Variants in ATG2A observed in about 807,000 individuals in gnomAD.
ATG2A encodes autophagy-related protein 2 homolog A.
ATG2A carries 103 observed loss-of-function variants against 214.2 expected under a neutral mutation model. The ratio of observed to expected loss-of-function variants is 0.48; its 90% CI spans 0.41 to 0.57. ATG2A has a LOEUF of 0.57. Ranked by LOEUF, ATG2A falls within the 20% of genes least tolerant of loss-of-function variation. ATG2A has a pLI of 0.00. For missense variants in ATG2A, 2,312 were observed against 2,613.2 expected, an observed-to-expected ratio of 0.88 and a Z score of 2.51; for synonymous variants, 1,160 against 1,142.1, an observed-to-expected ratio of 1.02 and a Z score of -0.32.
At position 64,911,271 on chromosome 11, in the gene ATG2A, C is replaced by A; in HGVS notation, c.1233G>T (p.Lys411Asn). 1.2e-6 allele frequency: 2 copies of A among 1,613,494 alleles called. No individual in the cohort carries two copies. ...RLSAQAHPAGKMAPNPLLDTM... is the reference protein window; with the variant it reads ...RLSAQAHPAGNMAPNPLLDTM... ...TGTCCAGGAGGGGGTTGGGGGCCAT[C>A]TTGCCTGAGGGGACAGAGGCTTCAG... The change falls in exon 10 of 41, where the codon AAG (lysine) becomes AAT (asparagine). Residue 411 changes from lysine (K) to asparagine (N), a missense_variant. By Grantham distance (94) the Lys-to-Asn change is moderately conservative. Coordinates refer to ENST00000377264, the MANE Select transcript of ATG2A (RefSeq NM_015104.3).
chr11:64,910,005 C>T (rs759141591), intron 13 of ATG2A, 35 bp downstream of exon 13: 1 of 1,557,380 alleles, frequency 6.4e-7, no homozygotes, highest in South Asian at 1.2e-5. Flanking sequence ...GGCCCTGCAC[C>T]CACCCCCGGC....
rs1433133257 is a variant in ATG2A at position 64,898,271 on chromosome 11, T to C, written c.4763A>G (p.Asn1588Ser). 1.9e-6 allele frequency: 3 copies of C among 1,613,658 alleles called. No homozygotes were observed. The highest frequency in any genetic ancestry group is 1.7e-6 in the Non-Finnish European group (2 of 1,179,846). Reference sequence around the variant, plus strand: ...ACGTAGACCACTCACCTGGTCCACATTGAGCCGCAGGGGCATCAGCGAGAC... The same window carrying C: ...ACGTAGACCACTCACCTGGTCCACACTGAGCCGCAGGGGCATCAGCGAGAC... Reference protein sequence around the residue: ...LRVSLMPLRLNVDQDALFFLK... With the variant: ...LRVSLMPLRLSVDQDALFFLK... Residue 1588 changes from asparagine (N) to serine (S), a missense_variant, in exon 33 of 41, where the codon AAT (asparagine) becomes AGT (serine). Coordinates refer to ENST00000377264, the MANE Select transcript of ATG2A (RefSeq NM_015104.3). This position sits in a 1 kb window ranked among gnomAD's most constrained non-coding sequence, Gnocchi z 4.5.
chr11:64,897,451 C>G lies in ATG2A; in HGVS notation c.5111G>C (p.Cys1704Ser). 6.3e-7 allele frequency: 1 copy of G among 1,575,158 alleles called. No homozygotes were observed. Among genetic ancestry groups the G allele is most frequent in the Non-Finnish European group, 8.6e-7 (1 of 1,160,100 alleles). Reference protein sequence around the residue: ...GLLIGLAQLNCSELKLKRLCC... With the variant: ...GLLIGLAQLNSSELKLKRLCC... ...GAGCCGCTTTAGCTTCAGCTCGGAG[C>G]AGTTGAGTTGGGCCAGGCCGATGAG... The change falls in exon 37 of 41, where the codon TGC becomes TCC. Residue 1704 changes from cysteine (C) to serine (S), a missense_variant. Physicochemically the swap from Cys to Ser is moderately radical, Grantham distance 112. Transcript: ENST00000377264.
At position 64,906,776 on chromosome 11, in the gene ATG2A, G is replaced by A; in HGVS notation, c.2872C>T (p.Leu958=). ...GTACCGTGCTCCATGTCCAGCACCA[G>A]CTCCCCGTGCACAGCCTCCAGCCGC... ...GKRLEAVHGE[L]VLDMEHGTLF... The change falls in exon 20 of 41, where the codon CTG becomes TTG. Residue 958 remains leucine, a synonymous_variant. Coordinates refer to ENST00000377264, the MANE Select transcript of ATG2A (RefSeq NM_015104.3). 6.2e-7 allele frequency: 1 copy of A among 1,613,312 alleles called. No individual in the cohort carries two copies. The highest frequency in any genetic ancestry group is 8.5e-7 in the Non-Finnish European group (1 of 1,179,980).
Position 64,907,822 on chromosome 11 carries a change from G to A in ATG2A, c.2433C>T (p.Cys811=). 6.2e-7 allele frequency: 1 copy of A among 1,613,502 alleles called. No individual in the cohort carries two copies. Among genetic ancestry groups the A allele is most frequent in the East Asian group, 2.2e-5 (1 of 44,882 alleles). ...CACTGGGCAGGATCACTTCCAGGCTGCAGCGGGACAGTGCCAGGGTCCGGC... is the reference window on the plus strand; with the variant it reads ...CACTGGGCAGGATCACTTCCAGGCTACAGCGGGACAGTGCCAGGGTCCGGC... The part of the protein sequence containing the change: ...FQSRTLALSR[C]SLEVILPSVH... Residue 811 remains cysteine (C), a synonymous_variant, in exon 17 of 41, where the codon TGC becomes TGT. Transcript: ENST00000377264.
At position 64,910,083 on chromosome 11, in the gene ATG2A, A is replaced by C. The variant is rs769372252; in HGVS notation, c.1820T>G (p.Leu607Arg). The change falls in exon 13 of 41, where the codon CTG becomes CGG. Residue 607 changes from leucine (L) to arginine (R), a missense_variant. Coordinates refer to ENST00000377264, the MANE Select transcript of ATG2A (RefSeq NM_015104.3). ...CTCAGCAGGTACGGTGGCCAGGCGC[A>C]GTAGGGCGGCCAGCCGGTCCAGGGC... is the stretch of plus-strand genomic sequence containing the variant. ...LGALDRLAALLRLATVPAEPP... is the reference protein window; with the variant it reads ...LGALDRLAALRRLATVPAEPP... 6.2e-7 allele frequency: 1 copy of C among 1,607,500 alleles called. No individual in the cohort carries two copies. The highest frequency in any genetic ancestry group is 1.3e-5 in the African/African-American group (1 of 74,892).
intron 22 of ATG2A, 61 bp from the exon 23 acceptor site, chr11:64,905,909 C>T: frequency 1.3e-6 from 2 of 1,524,570 alleles, no homozygotes; most frequent in Non-Finnish European, 1.8e-6. Context: ...CTCCTCTAAC[C>T]CCTCCCTGTC....
chr11:64,900,742 G>A, intron 30 of ATG2A, 113 bp from the exon 31 acceptor site: 1 of 1,448,260 alleles, frequency 6.9e-7, no homozygotes, highest in Non-Finnish European at 9.1e-7. Flanking sequence ...GTCCTGGAAG[G>A]CAGGCGGGAT....
rs1477250231 is a variant in ATG2A at position 64,917,084 on chromosome 11, G to T, written c.52C>A (p.Arg18Ser). 1 of 1,613,356 alleles carries T rather than the reference G, an allele frequency of 6.2e-7. No homozygotes were observed. Among genetic ancestry groups the T allele is most frequent in the Non-Finnish European group, 8.5e-7 (1 of 1,179,976 alleles). Residue 18 changes from arginine (R) to serine (S), a missense_variant, in exon 1 of 41, where the codon CGC (arginine) becomes AGC (serine). By Grantham distance (110) the Arg-to-Ser change is moderately radical. Transcript: ENST00000377264. The part of the protein sequence containing the change: ...WSNCVKERVC[R>S]YLLHHYLGHF... ...CCTAAGTAGTGGTGCAGCAAGTAGCGGCAGACCCGCTCTTTCACACAGTTT... is the reference window on the plus strand; with the variant it reads ...CCTAAGTAGTGGTGCAGCAAGTAGCTGCAGACCCGCTCTTTCACACAGTTT...
At position 64,903,653 on chromosome 11, in the gene ATG2A, G is replaced by C. The variant is rs1290058455; in HGVS notation, c.3472C>G (p.Leu1158Val). The change falls in exon 25 of 41, where the codon CTC becomes GTC. Residue 1158 changes from leucine (L) to valine (V), a missense_variant. Coordinates refer to ENST00000377264, the MANE Select transcript of ATG2A (RefSeq NM_015104.3). This position sits in a 1 kb window ranked among gnomAD's most constrained non-coding sequence, Gnocchi z 4.2. ...GACAGGTACAAGGCGGAGTCATCGA[G>C]GATGAACCTGGGGGGGAACAGGGCT... is the stretch of plus-strand genomic sequence containing the variant. ...DTSTFLLRFILDDSALYLSDK... is the reference protein window; with the variant it reads ...DTSTFLLRFIVDDSALYLSDK... The C allele has an allele frequency of 2.6e-6, 4 of 1,549,764 alleles. No individual in the cohort carries two copies. Among genetic ancestry groups the C allele is most frequent in the Non-Finnish European group, 3.5e-6 (4 of 1,146,312 alleles).
chr11:64,911,325 C>T, intron 9 of ATG2A, 50 bp from the exon 10 acceptor site: 3 of 1,575,266 alleles, frequency 1.9e-6, no homozygotes, highest in Non-Finnish European at 2.6e-6. Context: ...TCCGGGTACC[C>T]CAGGTGGAGC....
intron 16 of ATG2A, among the ~76,000 whole-genome samples, 163 bp from the exon 17 acceptor site, chr11:64,908,053 G>A (rs1486081538): frequency 6.6e-6 from 1 of 152,204 alleles, no homozygotes; most frequent in Admixed American, 6.5e-5. Flanking sequence ...CAGTGCTGAT[G>A]GCACACCTGT....
chr11:64,894,805 C>A lies in ATG2A; in HGVS notation c.*168G>T. On this transcript the variant is annotated 3_prime_UTR_variant, in exon 41 of 41. Coordinates refer to ENST00000377264, the MANE Select transcript of ATG2A (RefSeq NM_015104.3). ...CAGAGCCAGGGCTAAGGCCCCAAGG[C>A]AGGGAGGCCCCCCTCTCACAGCAGA... 1 of 862,844 alleles carries A rather than the reference C, an allele frequency of 1.2e-6. No homozygotes were observed. Among genetic ancestry groups the A allele is most frequent in the East Asian group, 2.4e-5 (1 of 40,970 alleles). 53.4% of individuals were successfully genotyped at this position (862,844 alleles called of 1,614,324 possible). A position where few individuals can be genotyped will look rare whatever the true frequency, so the allele number is the denominator to read the frequency against.
chr11:64,911,210 C>T lies in ATG2A; in HGVS notation c.1294G>A (p.Gly432Arg), dbSNP rs150334189. 1.2e-6 allele frequency: 2 copies of T among 1,614,124 alleles called. No homozygotes were observed. Among genetic ancestry groups the T allele is most frequent in the Admixed American group, 1.7e-5 (1 of 60,024 alleles). ...RPDSLLKMTL[G>R]GVTLTLLQTS... The stretch of plus-strand genomic sequence containing the variant: ...TGAAGCAAGGTCAGGGTCACACCCC[C>T]CAAGGTCATCTTCAGCAGCGAGTCA... Residue 432 changes from glycine (G) to arginine (R), a missense_variant, in exon 10 of 41, where the codon GGG becomes AGG. Physicochemically the swap from Gly to Arg is moderately radical, Grantham distance 125. Transcript: ENST00000377264.
intron 31 of ATG2A, among the ~76,000 whole-genome samples, chr11:64,899,448 A>G (rs918253748): frequency 3.3e-5 from 5 of 151,836 alleles, no homozygotes; most frequent in Non-Finnish European, 1.5e-5. Context: ...TCTGACACTC[A>G]TCTCCCGCAG....
At position 64,900,891 on chromosome 11, in the gene ATG2A, C is replaced by A. The variant is rs748760380; in HGVS notation, c.4321G>T (p.Gly1441Cys). 5 of 1,558,528 alleles carry A rather than the reference C, an allele frequency of 3.2e-6. No homozygotes were observed. Among genetic ancestry groups the A allele is most frequent in the Non-Finnish European group, 2.6e-6 (3 of 1,152,040 alleles). ...GCACCCGCTCCTCCTCACCTGTGGC[C>A]GGGGTGGGGGCCAAAGTCTCGGCCC... is the stretch of plus-strand genomic sequence containing the variant. ...YGGRDFGPHPGHRARTGLSGP... is the reference protein window; with the variant it reads ...YGGRDFGPHPCHRARTGLSGP... Residue 1441 changes from glycine (G) to cysteine (C), a missense_variant, in exon 30 of 41, where the codon GGC becomes TGC. By Grantham distance (159) the Gly-to-Cys change is radical. Transcript: ENST00000377264.
Position 64,895,026 on chromosome 11 carries a change from C to G in ATG2A, c.5764G>C (p.Asp1922His). 6.2e-7 allele frequency: 1 copy of G among 1,613,234 alleles called. No homozygotes were observed. Among genetic ancestry groups the G allele is most frequent in the Non-Finnish European group, 8.5e-7 (1 of 1,179,574 alleles). ...TTGAGGGCGTGGTCCTTGTGGGCGT[C>G]GGGGACAATCTGGTTGCGCATGCCC... ...LGGMRNQIVP[D>H]AHKDHALKWR... The change falls in exon 41 of 41, where the codon GAC (aspartate) becomes CAC (histidine). Residue 1922 changes from aspartate (D) to histidine (H), a missense_variant. Coordinates refer to ENST00000377264, the MANE Select transcript of ATG2A (RefSeq NM_015104.3). This position sits in a 1 kb window ranked among gnomAD's most constrained non-coding sequence, Gnocchi z 5.0.
rs903067217 is a variant in ATG2A, at chr11:64,913,750, G to A, written c.590+71C>T. 1.3e-5 allele frequency: 19 copies of A among 1,450,474 alleles called. No homozygotes were observed. The highest frequency in any genetic ancestry group is 4.6e-5 in the South Asian group (4 of 86,830). 89.9% of individuals were successfully genotyped at this position (1,450,474 alleles called of 1,614,324 possible). A position where few individuals can be genotyped will look rare whatever the true frequency, so the allele number is the denominator to read the frequency against. On this transcript the variant is annotated intron_variant, in intron 4 of 40. Transcript: ENST00000377264. This position sits in a 1 kb window ranked among gnomAD's most constrained non-coding sequence, Gnocchi z 4.3. ...GCCTCTTCCCAGGAACCTAGGCTGCGGGTGGGGACCATCCAGCAGCCCCCA... is the reference window on the plus strand; with the variant it reads ...GCCTCTTCCCAGGAACCTAGGCTGCAGGTGGGGACCATCCAGCAGCCCCCA...
At position 64,911,073 on chromosome 11, in the gene ATG2A, T is replaced by C. The variant is rs1053042136; in HGVS notation, c.1431A>G (p.Pro477=). 2.5e-6 allele frequency: 4 copies of C among 1,613,544 alleles called. No individual in the cohort carries two copies. The African/African-American group carries it at 4.0e-5, about 16-fold the overall frequency. The change falls in exon 10 of 41, where the codon CCA becomes CCG. Residue 477 remains proline (P), a synonymous_variant. Coordinates refer to ENST00000377264, the MANE Select transcript of ATG2A (RefSeq NM_015104.3). ...TACAGGGACAGGCCCTCTGGAAGCGTGGTCGAAGGTGATGGAAGTCTCGGG... is the reference window on the plus strand; with the variant it reads ...TACAGGGACAGGCCCTCTGGAAGCGCGGTCGAAGGTGATGGAAGTCTCGGG... ...FGSRDFHHLR[P]RFQRACPCSH... is the part of the protein sequence containing the mutation.
Sources: allele counts gnomAD v4.1 joint callset (sites outside exome capture counted in the v4.1 genomes callset), GRCh38; gene constraint gnomAD v4.1.1; non-coding constraint Gnocchi (gnomAD v3.1); transcripts MANE v1.5; gene names NCBI Gene and HGNC (gene_info 2026-07-23, HGNC 2026-07-21).